Variants in LY6H observed in about 807,000 individuals in gnomAD.
The protein encoded by LY6H is lymphocyte antigen 6H.
A neutral mutation model predicts 14.6 loss-of-function variants in LY6H; 8 were observed. That is an observed-to-expected ratio of 0.55 (90% CI 0.32 to 0.99). The LOEUF (loss-of-function observed/expected upper bound fraction) is 0.99, where lower values mean the gene tolerates loss of function less well. Among genes scored for constraint, LY6H ranks in the 50% least tolerant of loss-of-function variants. LY6H has a pLI of 0.04. For synonymous variants in LY6H, 115 were observed against 97.2 expected (o/e 1.18, Z -1.08); for missense variants, 196 against 219.6 (o/e 0.89, Z 0.68).
chr8:143,159,116 A>G, intron 2 of LY6H, 194 bp from the exon 3 acceptor site: 1 of 733,374 alleles, frequency 1.4e-6, no homozygotes, highest in Non-Finnish European at 2.3e-6. Flanking sequence ...TGGCAGTTTG[A>G]GGGGAGCCCC....
In LY6H at chr8:143,158,841, G is replaced by A. The variant is rs17852617; in HGVS notation, c.212C>T (p.Thr71Met). Residue 71 changes from threonine to methionine, a missense_variant, in exon 3 of 4, where the codon ACG becomes ATG. Physicochemically the swap from Thr to Met is moderately conservative, Grantham distance 81. Coordinates refer to ENST00000342752, the MANE Select transcript of LY6H (RefSeq NM_001135655.2). ...GGTGATTCGGACACTGGCACACACC[G>A]TGTCGGACGGCTGGCACTGCTTTGG... The part of the protein sequence containing the change: ...CTPKQCQPSD[T>M]VCASVRITDP... 1,129 of 1,607,792 alleles carry A rather than the reference G, an allele frequency of 7.0e-4. No individual in the cohort carries two copies. The highest frequency in any genetic ancestry group is 8.7e-4 in the Non-Finnish European group (1,023 of 1,175,528).
intron 3 of LY6H, 143 bp downstream of exon 3, chr8:143,158,659 AG>A: frequency 5.6e-5 from 70 of 1,243,154 alleles, no homozygotes; most frequent in Non-Finnish European, 6.6e-5. Context: ...CCAAGGAGCC[AG>A]GGGGGGACAG....
rs1466706460 is a variant in LY6H at position 143,158,141 on chromosome 8, C to T, written c.*109G>A. On this transcript the variant is annotated 3_prime_UTR_variant, in exon 4 of 4. Coordinates refer to ENST00000342752, the MANE Select transcript of LY6H (RefSeq NM_001135655.2). ...AGGAGTGAGAGCCACAGGCCACAGC[C>T]ACGGAGCTGGGCCAAGGCTGCCCCC... The T allele has an allele frequency of 1.4e-6, 1 of 706,992 alleles. No individual in the cohort carries two copies. Among genetic ancestry groups the T allele is most frequent in the Non-Finnish European group, 2.4e-6 (1 of 424,960 alleles). 43.8% of individuals were successfully genotyped at this position (706,992 alleles called of 1,614,324 possible).
chr8:143,159,346 G>A, intron 2 of LY6H: 1 of 552,128 alleles, frequency 1.8e-6, no homozygotes, highest in East Asian at 3.2e-5. Flanking sequence ...AAGGGCTTCC[G>A]TGCGGGGCCA....
chr8:143,159,000 C>G (rs1391632720), intron 2 of LY6H, 78 bp from the exon 3 acceptor site: 1 of 1,543,432 alleles, frequency 6.5e-7, no homozygotes, highest in African/African-American at 1.4e-5. Context: ...CCCCACCCAT[C>G]CCCCTGCTGC....
Position 143,160,197 on chromosome 8 carries a change from C to T in LY6H, c.2+1G>A. 7.8e-7 allele frequency: 1 copy of T among 1,286,130 alleles called. No homozygotes were observed. Among genetic ancestry groups the T allele is most frequent in the Admixed American group, 3.1e-5 (1 of 32,084 alleles). The allele number at this position is 1,286,130 out of a possible 1,614,324, so 79.7% of individuals were successfully genotyped here. ...GCCTCGGGGTCGGGGGGCTCACTCA[C>T]ATCCCGGGGGTGTCCGCACTCCGGG... is the stretch of plus-strand genomic sequence containing the variant. On this transcript the variant is annotated splice_donor_variant, in intron 1 of 3. Transcript: ENST00000342752. LOFTEE classifies it high-confidence loss of function.
chr8:143,159,577 C>A lies in LY6H; in HGVS notation c.130+5G>T. The A allele has an allele frequency of 6.7e-7, 1 of 1,500,272 alleles. No individual in the cohort carries two copies. The highest frequency in any genetic ancestry group is 8.8e-7 in the Non-Finnish European group (1 of 1,132,636). 92.9% of individuals were successfully genotyped at this position (1,500,272 alleles called of 1,614,324 possible). On this transcript the variant is annotated splice_donor_5th_base_variant and intron_variant, in intron 2 of 3. Coordinates refer to ENST00000342752, the MANE Select transcript of LY6H (RefSeq NM_001135655.2). ...CCTGACCCAGCCCGCGGGCCCCCTA[C>A]TCACCGGGCGCCGAGCACAGCAGGA...
chr8:143,159,570 C>G lies in LY6H; in HGVS notation c.130+12G>C. Reference sequence around the variant, plus strand: ...CCAGGCACCTGACCCAGCCCGCGGGCCCCCTACTCACCGGGCGCCGAGCAC... The same window carrying G: ...CCAGGCACCTGACCCAGCCCGCGGGGCCCCTACTCACCGGGCGCCGAGCAC... On this transcript the variant is annotated intron_variant, in intron 2 of 3. Transcript: ENST00000342752. 1 of 1,497,952 alleles carries G rather than the reference C, an allele frequency of 6.7e-7. No individual in the cohort carries two copies. Among genetic ancestry groups the G allele is most frequent in the Non-Finnish European group, 8.8e-7 (1 of 1,131,664 alleles). 92.8% of individuals were successfully genotyped at this position (1,497,952 alleles called of 1,614,324 possible).
chr8:143,160,190 T>C lies in LY6H; in HGVS notation c.2+8A>G, dbSNP rs746538380. On this transcript the variant is annotated splice_region_variant and intron_variant, in intron 1 of 3. Transcript: ENST00000342752. ...AGCGCGGGCCTCGGGGTCGGGGGGCTCACTCACATCCCGGGGGTGTCCGCA... is the reference window on the plus strand; with the variant it reads ...AGCGCGGGCCTCGGGGTCGGGGGGCCCACTCACATCCCGGGGGTGTCCGCA... 7 of 1,283,834 alleles carry C rather than the reference T, an allele frequency of 5.5e-6. No individual in the cohort carries two copies. Among genetic ancestry groups the C allele is most frequent in the Non-Finnish European group, 6.9e-6 (7 of 1,015,142 alleles). 79.5% of individuals were successfully genotyped at this position (1,283,834 alleles called of 1,614,324 possible).
At chr8:143,160,464 T>G, upstream of LY6H, 1 of 149,376 alleles carries the variant, frequency 6.7e-6, no homozygotes. Flanking sequence ...CGCGCCCCCT[T>G]GCTGGCGCGC....
In LY6H at chr8:143,158,786, C is replaced by G; in HGVS notation, c.250+17G>C. 6.4e-7 allele frequency: 1 copy of G among 1,570,896 alleles called. No individual in the cohort carries two copies. Among genetic ancestry groups the G allele is most frequent in the Non-Finnish European group, 8.7e-7 (1 of 1,153,554 alleles). ...TGGCTTTTAGCACATTCCCCACCAC[C>G]CTAAGTCCCAACTTACTGCTGCTGG... On this transcript the variant is annotated intron_variant, in intron 3 of 3. Coordinates refer to ENST00000342752, the MANE Select transcript of LY6H (RefSeq NM_001135655.2).
Position 143,160,214 on chromosome 8 carries a change from C to G in LY6H, c.-15G>C. The G allele has an allele frequency of 7.8e-7, 1 of 1,283,432 alleles. No homozygotes were observed. The highest frequency in any genetic ancestry group is 9.9e-7 in the Non-Finnish European group (1 of 1,014,482). The allele number at this position is 1,283,432 out of a possible 1,614,324, so 79.5% of individuals were successfully genotyped here. On this transcript the variant is annotated 5_prime_UTR_variant, in exon 1 of 4. Coordinates refer to ENST00000342752, the MANE Select transcript of LY6H (RefSeq NM_001135655.2). ...CTCACTCACATCCCGGGGGTGTCCGCACTCCGGGCTCGGGCGGCGTGCGCG... is the reference window on the plus strand; with the variant it reads ...CTCACTCACATCCCGGGGGTGTCCGGACTCCGGGCTCGGGCGGCGTGCGCG...
At chr8:143,160,018 G>A (rs1400183663) in intron 1 of LY6H, 180 bp downstream of exon 1, 7 of 1,205,534 alleles carry the variant, frequency 5.8e-6, no homozygotes, top group South Asian at 8.4e-5. Context: ...CGGCAGGGGC[G>A]GGAGCGGGTG....
Position 143,158,890 on chromosome 8 carries a change from T to C in LY6H, c.163A>G (p.Thr55Ala), listed in dbSNP as rs1437156334. Reference sequence around the variant, plus strand: ...GGGGTGCAATGGCTGGAGTTGGTGGTCAGGGTGCAGTCCTGGCACCACAGG... The same window carrying C: ...GGGGTGCAATGGCTGGAGTTGGTGGCCAGGGTGCAGTCCTGGCACCACAGG... ...HGLWCQDCTL[T>A]TNSSHCTPKQ... Residue 55 changes from threonine (T) to alanine (A), a missense_variant, in exon 3 of 4, where the codon ACC becomes GCC. By Grantham distance (58) the Thr-to-Ala change is moderately conservative (BLOSUM62 0). Transcript: ENST00000342752. 2 of 1,613,274 alleles carry C rather than the reference T, an allele frequency of 1.2e-6. No homozygotes were observed. Among genetic ancestry groups the C allele is most frequent in the African/African-American group, 1.3e-5 (1 of 74,888 alleles).
At chr8:143,158,512 C>A in intron 3 of LY6H, 27 bp from the exon 4 acceptor site, 1 of 1,570,226 alleles carries the variant, frequency 6.4e-7, no homozygotes, top group Non-Finnish European at 8.8e-7. Context: ...TGGCCTGGGA[C>A]GGGGGCTCCT....
intron 2 of LY6H, chr8:143,159,124 C>T (rs1453242769): frequency 3.0e-6 from 2 of 671,452 alleles, no homozygotes; most frequent in Admixed American, 2.3e-5. Flanking sequence ...TGAGGGGAGC[C>T]CCTATGGCCC....
chr8:143,158,971 C>A, intron 2 of LY6H, 49 bp from the exon 3 acceptor site: 1 of 1,594,914 alleles, frequency 6.3e-7, no homozygotes, highest in Non-Finnish European at 8.5e-7. Context: ...GGGGTCCAAA[C>A]CAGGCAGCCC....
Position 143,158,870 on chromosome 8 carries a change from G to A in LY6H, c.183C>T (p.Cys61=), listed in dbSNP as rs749996384. ...DCTLTTNSSH[C]TPKQCQPSDT... Reference sequence around the variant, plus strand: ...CGGACGGCTGGCACTGCTTTGGGGTGCAATGGCTGGAGTTGGTGGTCAGGG... The same window carrying A: ...CGGACGGCTGGCACTGCTTTGGGGTACAATGGCTGGAGTTGGTGGTCAGGG... The change falls in exon 3 of 4, where the codon TGC becomes TGT. Residue 61 remains cysteine, a synonymous_variant. Transcript: ENST00000342752. 4 of 1,612,622 alleles carry A rather than the reference G, an allele frequency of 2.5e-6. No homozygotes were observed. In the Admixed American group the frequency reaches 5.0e-5, roughly 20 times the overall value.
At chr8:143,159,419 GGGGCCGA>G (rs1368800028) in intron 2 of LY6H, 156 bp downstream of exon 2, 1 of 777,060 alleles carries the variant, frequency 1.3e-6, no homozygotes, top group Non-Finnish European at 1.9e-6. Context: ...CCGGGGCAGA[GGGGCCGA>G]GGGCCGGGCT....
Sources: gnomAD v4.1 joint callset for allele counts on GRCh38, gnomAD v4.1.1 for gene constraint, MANE v1.5 for transcripts, NCBI Gene and HGNC (gene_info 2026-07-23, HGNC 2026-07-21) for gene names.